CRTC3: variants seen among roughly 807,000 people sequenced by gnomAD.
The protein encoded by CRTC3 is CREB regulated transcription coactivator 3.
In CRTC3, 26 loss-of-function variants were observed where a neutral mutation model predicts 74.5. That is an observed-to-expected ratio of 0.35 (90% confidence interval 0.26 to 0.48). The LOEUF is 0.48. CRTC3 is among the 20% of genes least tolerant of loss of function. The probability of loss-of-function intolerance (pLI) is 0.99; values close to 1 mark genes in which losing one functional copy is unlikely to be tolerated. For missense variants in CRTC3, 760 were observed against 787.3 expected (o/e 0.97, Z 0.41); for synonymous variants, 377 against 325.8 (o/e 1.16, Z -1.69).
In CRTC3 at chr15:90,564,056, A is replaced by G. The variant is rs146746690; in HGVS notation, c.231+23919A>G. Among the ~76,000 whole-genome samples the G allele has an allele frequency of 5.5e-3, 833 of 152,296 alleles. 9 individuals are homozygous for G. Among genetic ancestry groups the G allele is most frequent in the African/African-American group, 0.019 (778 of 41,550 alleles). ...TCTTTCTAGTAACCCCAGAGTAGGTACTATTACTGTCTCTATTTACAGGGA... is the reference window on the plus strand; with the variant it reads ...TCTTTCTAGTAACCCCAGAGTAGGTGCTATTACTGTCTCTATTTACAGGGA... On this transcript the variant is annotated intron_variant, in intron 2 of 14. Transcript: ENST00000268184.
Position 90,642,461 on chromosome 15 carries a change from T to TA in CRTC3, c.*322dup. 1 of 445,598 alleles carries TA rather than the reference T, an allele frequency of 2.2e-6. No homozygotes were observed. The highest frequency in any genetic ancestry group is 4.2e-6 in the Non-Finnish European group (1 of 240,120). 27.6% of individuals were successfully genotyped at this position (445,598 alleles called of 1,614,324 possible). A position where few individuals can be genotyped will look rare whatever the true frequency, so the allele number is the denominator to read the frequency against. ...TCAGCCGATGTGTAAGAGTAGGAAA[T>TA]ACTGTGTCACTGGAGGCCTCCGTAG... On this transcript the variant is annotated 3_prime_UTR_variant, in exon 15 of 15. Coordinates refer to ENST00000268184, the MANE Select transcript of CRTC3 (RefSeq NM_022769.5).
intron 9 of CRTC3, among the ~76,000 whole-genome samples, chr15:90,622,923 C>G (rs537809176): frequency 1.3e-5 from 2 of 152,328 alleles, no homozygotes; most frequent in East Asian, 1.9e-4. Flanking sequence ...AGCCTTCTTC[C>G]TCACCCTCCG....
intron 9 of CRTC3, among the ~76,000 whole-genome samples, chr15:90,625,395 A>G (rs1165896239): frequency 6.6e-6 from 1 of 152,266 alleles, no homozygotes; most frequent in Non-Finnish European, 1.5e-5. Flanking sequence ...GAAGGTAGCT[A>G]GTTACTCAGA....
chr15:90,577,624 CCTAA>C (rs1445029790), intron 2 of CRTC3, among the ~76,000 whole-genome samples: 1 of 152,104 alleles, frequency 6.6e-6, no homozygotes, highest in East Asian at 1.9e-4. Context: ...ATGGAATCAA[CCTAA>C]CTGTCCATCA....
chr15:90,540,044 A>C lies in CRTC3; in HGVS notation c.138A>C (p.Gln46His), dbSNP rs1337111361. Residue 46 changes from glutamine (Q) to histidine (H), a missense_variant, in exon 2 of 15, where the codon CAA (glutamine) becomes CAC (histidine). Physicochemically the swap from Gln to His is conservative, Grantham distance 24 (BLOSUM62 0). Coordinates refer to ENST00000268184, the MANE Select transcript of CRTC3 (RefSeq NM_022769.5). ...TTAAATCACTTTGTTTCCAGGTTCA[A>C]TTTCAGAAGCTTCAGCAACTGCGCC... ...LMTDLTLSRV[Q>H]FQKLQQLRLT... 1.2e-6 allele frequency: 2 copies of C among 1,612,564 alleles called. No individual in the cohort carries two copies. Among genetic ancestry groups the C allele is most frequent in the Admixed American group, 3.3e-5 (2 of 59,840 alleles).
At chr15:90,547,032 A>G (rs573543630) in intron 2 of CRTC3, among the ~76,000 whole-genome samples, 1 of 152,366 alleles carries the variant, frequency 6.6e-6, no homozygotes, top group African/African-American at 2.4e-5. Flanking sequence ...CCATGTACAG[A>G]AAAACAGATT....
intron 10 of CRTC3, among the ~76,000 whole-genome samples, chr15:90,628,326 A>G (rs1240264494): frequency 6.6e-6 from 1 of 152,136 alleles, no homozygotes. Context: ...TTTTGTCAAC[A>G]CGAAACAACA....
At chr15:90,630,648 G>A (rs1288693236) in intron 11 of CRTC3, among the ~76,000 whole-genome samples, 1 of 152,022 alleles carries the variant, frequency 6.6e-6, no homozygotes, top group African/African-American at 2.4e-5. Flanking sequence ...AAACACAGGG[G>A]TTGAAACATC....
At chr15:90,541,689 C>T (rs527462454) in intron 2 of CRTC3, among the ~76,000 whole-genome samples, 3 of 151,710 alleles carry the variant, frequency 2.0e-5, no homozygotes, top group African/African-American at 7.3e-5. Flanking sequence ...ACTTTATTGT[C>T]AACTTTAGAG....
chr15:90,634,855 C>T lies in CRTC3; in HGVS notation c.1267-3591C>T, dbSNP rs1969174763. 3.4e-5 allele frequency: 52 copies of T among 1,544,408 alleles called. 1 individual carries two copies. In the South Asian group the frequency reaches 5.6e-4, roughly 17 times the overall value. On this transcript the variant is annotated intron_variant, in intron 11 of 14. Transcript: ENST00000268184. ...AAATCTCAAGGAAAAGTATTGCAAG[C>T]AACAGTAGTCACTGTTGGATCGGGT...
chr15:90,541,383 C>T (rs942247759), intron 2 of CRTC3, among the ~76,000 whole-genome samples: 1 of 152,116 alleles, frequency 6.6e-6, no homozygotes, highest in African/African-American at 2.4e-5. Flanking sequence ...TGGGGACTTC[C>T]ATTTGAGAGT....
intron 2 of CRTC3, among the ~76,000 whole-genome samples, chr15:90,554,558 C>A (rs959917047): frequency 2.6e-5 from 4 of 152,198 alleles, no homozygotes; most frequent in African/African-American, 9.7e-5. Context: ...GCTGTAATTC[C>A]TTCTGCCATC....
intron 11 of CRTC3, among the ~76,000 whole-genome samples, chr15:90,630,506 T>C (rs1268544765): frequency 6.6e-6 from 1 of 152,166 alleles, no homozygotes; most frequent in Non-Finnish European, 1.5e-5. Context: ...TCCCAGCTAC[T>C]CCAGAGCGGA....
At chr15:90,584,810 C>T (rs985917221) in intron 2 of CRTC3, among the ~76,000 whole-genome samples, 4 of 152,078 alleles carry the variant, frequency 2.6e-5, no homozygotes, top group African/African-American at 9.7e-5. Context: ...GCTACGTTTC[C>T]AACCAGTCTC....
intron 10 of CRTC3, among the ~76,000 whole-genome samples, chr15:90,627,557 G>A (rs558644794): frequency 1.6e-4 from 25 of 151,904 alleles, no homozygotes; most frequent in African/African-American, 5.8e-4. Flanking sequence ...GTCACTGGTT[G>A]TCTTCTCAAA....
chr15:90,584,957 G>A (rs7178220), intron 2 of CRTC3, among the ~76,000 whole-genome samples: 120,659 of 152,080 alleles, frequency 0.79, 48,473 homozygotes, highest in African/African-American at 0.91. Context: ...TTAGCTAACC[G>A]TTTACATAAA....
chr15:90,551,921 TACACACACGCACAC>T (rs1454402545), intron 2 of CRTC3, among the ~76,000 whole-genome samples: 7 of 6,330 alleles, frequency 1.1e-3, no homozygotes, highest in African/African-American at 3.6e-3. Flanking sequence ...TACATTACAT[TACACACACGCACAC>T]ACACACACGC....
rs910726041 is a variant in CRTC3, at chr15:90,643,658, C to T, written c.*1518C>T. On this transcript the variant is annotated 3_prime_UTR_variant, in exon 15 of 15. Coordinates refer to ENST00000268184, the MANE Select transcript of CRTC3 (RefSeq NM_022769.5). ...CTCATAAAATAGATGGGCCAGATTT[C>T]CACCACCGCCTGCCTCCTCTAACTT... The T allele has an allele frequency of 4.3e-6, 1 of 230,378 alleles. No homozygotes were observed. Among genetic ancestry groups the T allele is most frequent in the African/African-American group, 2.3e-5 (1 of 43,192 alleles). 14.3% of individuals were successfully genotyped at this position (230,378 alleles called of 1,614,324 possible). A position where few individuals can be genotyped will look rare whatever the true frequency, so the allele number is the denominator to read the frequency against.
chr15:90,578,072 G>T (rs1284042370), intron 2 of CRTC3, among the ~76,000 whole-genome samples: 2 of 151,996 alleles, frequency 1.3e-5, no homozygotes, highest in African/African-American at 4.8e-5. Context: ...TGCGCCACCA[G>T]GTCCAGCTAA....
Sources: gnomAD v4.1 joint callset for allele counts (sites outside exome capture counted in the v4.1 genomes callset) on GRCh38, gnomAD v4.1.1 for gene constraint, MANE v1.5 for transcripts, NCBI Gene and HGNC (gene_info 2026-07-23, HGNC 2026-07-21) for gene names.